The following LIPJ variants were observed in gnomAD, a reference collection of about 807,000 sequenced individuals.
LIPJ encodes lipase member J.
Under a neutral mutation model 39.8 loss-of-function variants are expected in LIPJ, and 33 were observed. The observed-to-expected ratio is 0.83, with a 90% CI of 0.63 to 1.11. The LOEUF is 1.11. Among genes scored for constraint, LIPJ ranks in the 50% least tolerant of loss-of-function variants. LIPJ has a pLI of 0.00. For missense variants in LIPJ, 422 were observed against 427.9 expected (o/e 0.99, Z 0.12); for synonymous variants, 128 against 139.2 (o/e 0.92, Z 0.57).
At chr10:88,613,211 G>C in the LIPJ span, among the ~76,000 whole-genome samples, 6 of 152,106 alleles carry the variant, frequency 3.9e-5, no homozygotes, top group African/African-American at 1.4e-4. Context: ...AAAAAACTTA[G>C]CATGTTTTCT....
intron 9 of LIPJ, among the ~76,000 whole-genome samples, chr10:88,604,189 T>C (rs1851587990): frequency 6.6e-6 from 1 of 152,126 alleles, no homozygotes; most frequent in South Asian, 2.1e-4. Context: ...TACTTTTGAA[T>C]AGAAAGGTTA....
upstream of LIPJ, chr10:88,583,258 A>G: frequency 6.3e-7 from 1 of 1,590,652 alleles, no homozygotes. Context: ...CTTTCTGGAA[A>G]GGCGGCCGAA....
chr10:88,591,455 T>C (rs1410912674), exon 4 of LIPJ: 1 of 1,602,366 alleles, frequency 6.2e-7, no homozygotes, highest in Non-Finnish European at 8.5e-7. Context: ...TCCTTGGCCT[T>C]TATAGAATTC....
chr10:88,602,703 C>T lies in LIPJ; in HGVS notation c.795+56C>T, dbSNP rs1851536068. On this transcript the variant is annotated intron_variant, in intron 9 of 10. Transcript: ENST00000371939. Reference sequence around the variant, plus strand: ...TTTAATTCATGCTACTCATGGTTTACCTCATTATTCTAGGGATCATACCAT... The same window carrying T: ...TTTAATTCATGCTACTCATGGTTTATCTCATTATTCTAGGGATCATACCAT... 6 of 1,057,216 alleles carry T rather than the reference C, an allele frequency of 5.7e-6. No individual in the cohort carries two copies. In the Admixed American group the frequency reaches 1.3e-4, roughly 22 times the overall value. 65.5% of individuals were successfully genotyped at this position (1,057,216 alleles called of 1,614,324 possible). A position where few individuals can be genotyped will look rare whatever the true frequency, so the allele number is the denominator to read the frequency against.
intron 8 of LIPJ, among the ~76,000 whole-genome samples, chr10:88,601,584 G>A (rs536424499): frequency 5.9e-5 from 9 of 152,274 alleles, no homozygotes; most frequent in Admixed American, 2.0e-4. Context: ...ATTGGAAAAT[G>A]TCCGCAGGAT....
At chr10:88,583,361 G>A (rs557564874), upstream of LIPJ, 1,650 of 1,400,620 alleles carry the variant, frequency 1.2e-3, 13 homozygotes, top group African/African-American at 0.022. Flanking sequence ...AAAGGAGGCG[G>A]CCGGAGCTGA....
chr10:88,583,096 A>C (rs763392153), upstream of LIPJ: 1 of 1,613,934 alleles, frequency 6.2e-7, no homozygotes, highest in Non-Finnish European at 8.5e-7. Context: ...CTTGTCCCAC[A>C]CAGCAAGGTA....
chr10:88,608,724 A>G (rs1851715276), downstream of LIPJ, among the ~76,000 whole-genome samples: 1 of 152,234 alleles, frequency 6.6e-6, no homozygotes. Flanking sequence ...ATACTTATGG[A>G]CATCTGAAAT....
intron 8 of LIPJ, among the ~76,000 whole-genome samples, chr10:88,600,974 A>C (rs1851453725): frequency 6.6e-6 from 1 of 151,936 alleles, no homozygotes; most frequent in Non-Finnish European, 1.5e-5. Context: ...TTTGAGACAG[A>C]GTTTTGCTGT....
chr10:88,596,431 TA>T lies in LIPJ; in HGVS notation c.576+16del. On this transcript the variant is annotated intron_variant, in intron 7 of 10. Transcript: ENST00000371939. Reference sequence around the variant, plus strand: ...CAATAGTCATGGTATGTTCTACCTTTATTTTATGTCATTGATAACCCAAAGT... The same window carrying T: ...CAATAGTCATGGTATGTTCTACCTTTTTTTATGTCATTGATAACCCAAAGT... The T allele has an allele frequency of 2.0e-6, 3 of 1,480,242 alleles. No homozygotes were observed. In the East Asian group the frequency reaches 7.4e-5, roughly 36 times the overall value. The allele number at this position is 1,480,242 out of a possible 1,614,324, so 91.7% of individuals were successfully genotyped here. A position where few individuals can be genotyped will look rare whatever the true frequency, so the allele number is the denominator to read the frequency against.
chr10:88,587,619 C>A (rs1850952061), intron 2 of LIPJ, among the ~76,000 whole-genome samples: 1 of 152,056 alleles, frequency 6.6e-6, no homozygotes, highest in African/African-American at 2.4e-5. Flanking sequence ...AAAATTCTGG[C>A]AACCTCCAGT....
intron 8 of LIPJ, among the ~76,000 whole-genome samples, chr10:88,598,921 A>ATATTTAATAATATAATATTTTATATTG (rs1590083128): frequency 1.4e-5 from 2 of 145,052 alleles, no homozygotes; most frequent in South Asian, 2.2e-4. Context: ...TAATTTAATT[A>ATATTTAATAATATAATATTTTATATTG]TATTTAATAA....
At position 88,594,027 on chromosome 10, in the gene LIPJ, T is replaced by G. The variant is rs1197946946; in HGVS notation, c.212T>G (p.Leu71Arg). 3.1e-6 allele frequency: 5 copies of G among 1,612,292 alleles called. No individual in the cohort carries two copies. In the Admixed American group the frequency reaches 6.7e-5, roughly 22 times the overall value. The change falls in exon 5 of 11, where the codon CTG becomes CGG. Residue 71 changes from leucine (L) to arginine (R), a missense_variant. Coordinates refer to ENST00000371939, the Ensembl canonical transcript of LIPJ. Reference sequence around the variant, plus strand: ...ATTTCCAATCTTCCCAACAATAGTCTGGGCTTCATTCTGGCAGATGCTGGT... The same window carrying G: ...ATTTCCAATCTTCCCAACAATAGTCGGGGCTTCATTCTGGCAGATGCTGGT...
At chr10:88,600,255 T>C (rs1181299531) in intron 8 of LIPJ, among the ~76,000 whole-genome samples, 2 of 152,170 alleles carry the variant, frequency 1.3e-5, no homozygotes, top group Non-Finnish European at 2.9e-5. Context: ...TTTTTCTTCT[T>C]TCAAAATATT....
the LIPJ span, among the ~76,000 whole-genome samples, chr10:88,622,465 T>C: frequency 6.6e-6 from 1 of 152,220 alleles, no homozygotes; most frequent in African/African-American, 2.4e-5. Flanking sequence ...CTCAGTTATC[T>C]GGAGAGCTTG....
upstream of LIPJ, chr10:88,583,382 C>T (rs973224610): frequency 9.3e-6 from 13 of 1,391,550 alleles, no homozygotes; most frequent in African/African-American, 6.0e-5. Flanking sequence ...GAGGCCCCTC[C>T]GTCCTTGAGG....
At chr10:88,589,676 G>T (rs1296196841) in intron 2 of LIPJ, among the ~76,000 whole-genome samples, 1 of 151,634 alleles carries the variant, frequency 6.6e-6, no homozygotes, top group African/African-American at 2.4e-5. Flanking sequence ...TCAAGTATGT[G>T]CATGTAAATT....
chr10:88,591,934 A>G (rs1184011849), intron 4 of LIPJ: 5 of 152,268 alleles, frequency 3.3e-5, no homozygotes, highest in African/African-American at 1.2e-4. Context: ...CTTTATTCCA[A>G]CAGTAAGTAT....
the LIPJ span, among the ~76,000 whole-genome samples, chr10:88,613,832 GTGTA>G: frequency 3.6e-4 from 49 of 136,532 alleles, no homozygotes; most frequent in African/African-American, 1.2e-3. Context: ...ATATATATGT[GTGTA>G]TATATATATG....
Sources: allele counts gnomAD v4.1 joint callset (sites outside exome capture counted in the v4.1 genomes callset), GRCh38; gene constraint gnomAD v4.1.1; transcripts MANE v1.5; gene names NCBI Gene and HGNC (gene_info 2026-07-23, HGNC 2026-07-21).